Variants in MRPS17 observed in about 807,000 individuals in gnomAD.
The protein encoded by MRPS17 is small ribosomal subunit protein uS17m.
Under a neutral mutation model 11.3 loss-of-function variants are expected in MRPS17, and 6 were observed. That is an observed-to-expected ratio of 0.53 (90% CI 0.29 to 1.05). The LOEUF (loss-of-function observed/expected upper bound fraction) is 1.05. MRPS17 is among the 50% of genes least tolerant of loss of function. The pLI, the probability that MRPS17 is intolerant of heterozygous loss-of-function variation, is 0.08. For missense variants in MRPS17, 139 were observed against 153.6 expected (o/e 0.90, Z 0.50); for synonymous variants, 56 against 60.4 (o/e 0.93, Z 0.34).
rs1447040050 is a variant in MRPS17 at position 55,954,845 on chromosome 7, TAC to T, written c.124-62_124-61del. ...TTTTCCATACGTTACTTTTTCATAT[TAC>T]ATATTACATTACCAGGTCACAGATG... On this transcript the variant is annotated intron_variant, in intron 2 of 2. Coordinates refer to ENST00000285298, the MANE Select transcript of MRPS17 (RefSeq NM_015969.3). The T allele has an allele frequency of 1.3e-5, 20 of 1,548,202 alleles. No individual in the cohort carries two copies. In the Admixed American group the frequency reaches 3.6e-4, roughly 28 times the overall value.
In MRPS17 at chr7:55,955,114, T is replaced by C. The variant is rs371194059; in HGVS notation, c.329T>C (p.Leu110Ser). The change falls in exon 3 of 3, where the codon TTG becomes TCG. Residue 110 changes from leucine (L) to serine (S), a missense_variant. Leu to Ser is a moderately radical substitution (Grantham distance 145). Coordinates refer to ENST00000285298, the MANE Select transcript of MRPS17 (RefSeq NM_015969.3). The part of the protein sequence containing the change: ...CAGTTYLESP[L>S]SSETTQLSKN... Reference sequence around the variant, plus strand: ...GGAACTACCTACCTGGAGAGTCCGTTGAGTTCGGAAACCACCCAGCTAAGC... The same window carrying C: ...GGAACTACCTACCTGGAGAGTCCGTCGAGTTCGGAAACCACCCAGCTAAGC... 6.2e-7 allele frequency: 1 copy of C among 1,614,086 alleles called. No homozygotes were observed. Among genetic ancestry groups the C allele is most frequent in the Non-Finnish European group, 8.5e-7 (1 of 1,180,050 alleles).
chr7:55,953,541 G>A (rs556498677), intron 2 of MRPS17, among the ~76,000 whole-genome samples: 1 of 152,284 alleles, frequency 6.6e-6, no homozygotes, highest in Admixed American at 6.5e-5. Context: ...CAAAGTACTG[G>A]CCGGATGAGG....
At chr7:55,953,036 AAAAC>A (rs1225826265) in intron 1 of MRPS17, 139 bp from the exon 2 acceptor site, 21 of 995,206 alleles carry the variant, frequency 2.1e-5, no homozygotes, top group Non-Finnish European at 2.8e-5. Flanking sequence ...CATCTAAAAA[AAAAC>A]AAAACAAAAC....
rs769733770 is a variant in MRPS17 at position 55,955,165 on chromosome 7, C to T, written c.380C>T (p.Ser127Phe). ...LSKNLEELNI[S>F]SAQ ...AAAAATCTGGAAGAACTCAATATCT[C>T]TTCAGCACAGTGAAGCGGGAGTGGA... Residue 127 changes from serine to phenylalanine, a missense_variant, in exon 3 of 3, where the codon TCT becomes TTT. Physicochemically the swap from Ser to Phe is radical, Grantham distance 155 (BLOSUM62 -2). Coordinates refer to ENST00000285298, the MANE Select transcript of MRPS17 (RefSeq NM_015969.3). 1.1e-5 allele frequency: 18 copies of T among 1,613,404 alleles called. No homozygotes were observed. Among genetic ancestry groups the T allele is most frequent in the Non-Finnish European group, 1.5e-5 (18 of 1,179,578 alleles).
rs765603096 is a variant in MRPS17 at position 55,954,980 on chromosome 7, T to G, written c.195T>G (p.Leu65=). ...LQQCTVGDIV[L]LRALPVPRAK... is the part of the protein sequence containing the mutation. ...AGTGCACAGTTGGGGATATTGTGCT[T>G]CTCAGAGCTTTACCTGTTCCACGAG... The change falls in exon 3 of 3, where the codon CTT becomes CTG. Residue 65 remains leucine, a synonymous_variant. Coordinates refer to ENST00000285298, the MANE Select transcript of MRPS17 (RefSeq NM_015969.3). 6.2e-7 allele frequency: 1 copy of G among 1,614,086 alleles called. No individual in the cohort carries two copies. Among genetic ancestry groups the G allele is most frequent in the African/African-American group, 1.3e-5 (1 of 74,942 alleles).
intron 1 of MRPS17, 45 bp from the exon 2 acceptor site, chr7:55,953,134 G>A (rs762754588): frequency 1.9e-6 from 3 of 1,602,184 alleles, no homozygotes; most frequent in African/African-American, 2.7e-5. Context: ...AATTCATGTG[G>A]CATCATAACC....
chr7:55,953,107 G>A lies in MRPS17; in HGVS notation c.-17-72G>A, dbSNP rs1250333783. 5 of 1,546,992 alleles carry A rather than the reference G, an allele frequency of 3.2e-6. No individual in the cohort carries two copies. The Admixed American group carries it at 5.4e-5, about 17-fold the overall frequency. ...AAAAAACTGTTTCTGGACTAACCTG[G>A]ACAGTTCTTGTGACAAAATTCATGT... On this transcript the variant is annotated intron_variant, in intron 1 of 2. Transcript: ENST00000285298.
intron 1 of MRPS17, among the ~76,000 whole-genome samples, chr7:55,952,527 G>A (rs922448367): frequency 2.3e-4 from 35 of 151,830 alleles, no homozygotes; most frequent in Non-Finnish European, 8.8e-5. Context: ...CTGAGGTCAG[G>A]AGTTCGAGAC....
intron 1 of MRPS17, 146 bp from the exon 2 acceptor site, chr7:55,953,030 TAAA>T: frequency 1.1e-6 from 1 of 898,494 alleles, no homozygotes; most frequent in Non-Finnish European, 1.7e-6. Flanking sequence ...AGACTACATC[TAAA>T]AAAAAACAAA....
intron 2 of MRPS17, among the ~76,000 whole-genome samples, chr7:55,953,711 A>G (rs1418562837): frequency 3.3e-5 from 5 of 151,982 alleles, no homozygotes; most frequent in African/African-American, 1.2e-4. Flanking sequence ...AATCCTAGCT[A>G]CTCTGGAGGC....
Position 55,953,210 on chromosome 7 carries a change from C to T in MRPS17, c.15C>T (p.Arg5=), listed in dbSNP as rs773143402. The T allele has an allele frequency of 5.6e-6, 9 of 1,614,172 alleles. No homozygotes were observed. The highest frequency in any genetic ancestry group is 7.6e-6 in the Non-Finnish European group (9 of 1,180,030). Residue 5 remains arginine (R), a synonymous_variant, in exon 2 of 3, where the codon CGC becomes CGT. Coordinates refer to ENST00000285298, the MANE Select transcript of MRPS17 (RefSeq NM_015969.3). The part of the protein sequence containing the change: MSVV[R]SSVHARWIVG... ...AAAGCCACGTAATGTCCGTAGTTCG[C>T]TCATCCGTCCATGCCAGATGGATTG...
rs1390995152 is a variant in MRPS17 at position 55,955,658 on chromosome 7, A to G, written c.*480A>G. ...GAGACGGGGTTTCACCGTGTTAGCC[A>G]GGATGGTCTTGATCTCCTGACCTCG... On this transcript the variant is annotated 3_prime_UTR_variant, in exon 3 of 3. Coordinates refer to ENST00000285298, the MANE Select transcript of MRPS17 (RefSeq NM_015969.3). 3.2e-5 allele frequency: 5 copies of G among 157,306 alleles called. No homozygotes were observed. Among genetic ancestry groups the G allele is most frequent in the Non-Finnish European group, 6.8e-5 (5 of 73,194 alleles). 9.7% of individuals were successfully genotyped at this position (157,306 alleles called of 1,614,324 possible).
At position 55,955,051 on chromosome 7, in the gene MRPS17, GA is replaced by G. The variant is rs766303403; in HGVS notation, c.270del (p.Val91SerfsTer2). On this transcript the variant is annotated frameshift_variant, in exon 3 of 3. Transcript: ENST00000285298. LOFTEE classifies it high-confidence loss of function. ...HELAEIVFKV[G>X]KVIDPVTGKP... ...CTGGCTGAGATCGTTTTCAAAGTTGGAAAAGTCATAGATCCAGTGACAGGAA... is the reference window on the plus strand; with the variant it reads ...CTGGCTGAGATCGTTTTCAAAGTTGGAAAGTCATAGATCCAGTGACAGGAA... 1.9e-6 allele frequency: 3 copies of G among 1,614,148 alleles called. No individual in the cohort carries two copies. The highest frequency in any genetic ancestry group is 1.3e-5 in the African/African-American group (1 of 75,036).
In MRPS17 at chr7:55,955,023, G is replaced by C; in HGVS notation, c.238G>C (p.Glu80Gln). The change falls in exon 3 of 3, where the codon GAA (glutamate) becomes CAA (glutamine). Residue 80 changes from glutamate (E) to glutamine (Q), a missense_variant. Glu to Gln is a conservative substitution (Grantham distance 29). Coordinates refer to ENST00000285298, the MANE Select transcript of MRPS17 (RefSeq NM_015969.3). ...PVPRAKHVKH[E>Q]LAEIVFKVGK... ...TCCACGAGCAAAGCATGTGAAACAT[G>C]AACTGGCTGAGATCGTTTTCAAAGT... 4 of 1,614,130 alleles carry C rather than the reference G, an allele frequency of 2.5e-6. No individual in the cohort carries two copies. Among genetic ancestry groups the C allele is most frequent in the Non-Finnish European group, 3.4e-6 (4 of 1,180,028 alleles).
intron 2 of MRPS17, 111 bp from the exon 3 acceptor site, chr7:55,954,798 T>C (rs1289250380): frequency 1.5e-6 from 2 of 1,339,924 alleles, no homozygotes; most frequent in African/African-American, 1.5e-5. Flanking sequence ...TAGTATCTTA[T>C]CTTTTCCTAA....
Position 55,956,351 on chromosome 7 carries a change from T to C in MRPS17, c.*1173T>C, listed in dbSNP as rs1786727237. 6.6e-6 allele frequency: 1 copy of C among 151,964 alleles called. No individual in the cohort carries two copies. Among genetic ancestry groups the C allele is most frequent in the African/African-American group, 2.4e-5 (1 of 41,372 alleles). 9.4% of individuals were successfully genotyped at this position (151,964 alleles called of 1,614,324 possible). A position where few individuals can be genotyped will look rare whatever the true frequency, so the allele number is the denominator to read the frequency against. On this transcript the variant is annotated 3_prime_UTR_variant, in exon 3 of 3. Transcript: ENST00000285298. ...TCAGGCTAGTCTTGAACTCCGGACC[T>C]CAGGTGATCCGCCCGCCTGGGCCTC...
chr7:55,952,802 C>A (rs1309729633), intron 1 of MRPS17, among the ~76,000 whole-genome samples: 1 of 151,846 alleles, frequency 6.6e-6, no homozygotes, highest in Admixed American at 6.6e-5. Flanking sequence ...GAGGCCGAGG[C>A]GGGCGGATCA....
At position 55,955,064 on chromosome 7, in the gene MRPS17, TC is replaced by T. The variant is rs1337145321; in HGVS notation, c.281del (p.Pro94GlnfsTer2). The T allele has an allele frequency of 8.1e-6, 13 of 1,614,056 alleles. No homozygotes were observed. The highest frequency in any genetic ancestry group is 1.1e-5 in the Non-Finnish European group (13 of 1,180,022). On this transcript the variant is annotated frameshift_variant, in exon 3 of 3. Transcript: ENST00000285298. LOFTEE classifies it high-confidence loss of function. Reference protein sequence around the residue: ...IVFKVGKVIDPVTGKPCAGTT... With the variant: ...IVFKVGKVIDXVTGKPCAGTT... ...TTTTCAAAGTTGGAAAAGTCATAGA[TC>T]CAGTGACAGGAAAGCCCTGTGCTGG...
chr7:55,953,399 T>G, intron 2 of MRPS17, 81 bp downstream of exon 2: 1 of 1,560,760 alleles, frequency 6.4e-7, no homozygotes, highest in South Asian at 1.2e-5. Flanking sequence ...CATTTATCTC[T>G]CAGTAAAGAT....
Sources: gnomAD v4.1 joint callset for allele counts (sites outside exome capture counted in the v4.1 genomes callset) on GRCh38, gnomAD v4.1.1 for gene constraint, MANE v1.5 for transcripts, NCBI Gene and HGNC (gene_info 2026-07-23, HGNC 2026-07-21) for gene names.